Variants in H2AZ2 observed in about 807,000 individuals in gnomAD.
The protein encoded by H2AZ2 is histone H2A.V.
A neutral mutation model predicts 15.5 loss-of-function variants in H2AZ2; 5 were observed. The ratio of observed to expected loss-of-function variants is 0.32; its 90% CI spans 0.17 to 0.68. The LOEUF is 0.68. H2AZ2 is among the 30% of genes least tolerant of loss of function. The pLI is 0.72. For synonymous variants in H2AZ2, 44 were observed against 57.4 expected (o/e 0.77, Z 1.05); for missense variants, 42 against 162.5 (o/e 0.26, Z 4.03).
intron 2 of H2AZ2, among the ~76,000 whole-genome samples, chr7:44,841,532 CAG>C (rs1176637547): frequency 6.6e-6 from 1 of 152,078 alleles, no homozygotes; most frequent in Non-Finnish European, 1.5e-5. Context: ...TTTATTGAGA[CAG>C]AGTCTCACTC....
intron 3 of H2AZ2, among the ~76,000 whole-genome samples, chr7:44,839,988 C>T (rs1490507647): frequency 6.7e-6 from 1 of 148,588 alleles, no homozygotes; most frequent in Non-Finnish European, 1.5e-5. Flanking sequence ...GGATACAGAG[C>T]AAGACCCTGT....
At chr7:44,827,112 G>A (rs556258520), downstream of H2AZ2, 1 of 152,110 alleles carries the variant, frequency 6.6e-6, no homozygotes, top group Non-Finnish European at 1.5e-5. Flanking sequence ...AAAAAAGTGT[G>A]GGAATCACCT....
exon 5 of H2AZ2, chr7:44,826,956 T>C (rs1366924870): frequency 2.0e-5 from 3 of 152,376 alleles, no homozygotes; most frequent in East Asian, 3.9e-4. Context: ...TAGTATGCTA[T>C]TCTTTGATTT....
intron 2 of H2AZ2, among the ~76,000 whole-genome samples, chr7:44,842,744 C>T (rs919928358): frequency 2.6e-5 from 4 of 152,170 alleles, no homozygotes; most frequent in Non-Finnish European, 4.4e-5. Flanking sequence ...TTCCCATCCC[C>T]CTTCTTTCGG....
At chr7:44,831,459 A>G (rs555730289), downstream of H2AZ2, among the ~76,000 whole-genome samples, 1 of 152,274 alleles carries the variant, frequency 6.6e-6, no homozygotes, top group East Asian at 1.9e-4. Context: ...GCAATTATCT[A>G]TAAAACTGTA....
rs1225956505 is a variant in H2AZ2, at chr7:44,837,668, T to C, written c.196-2010A>G. On this transcript the variant is annotated intron_variant, in intron 3 of 4. Coordinates refer to ENST00000308153, the MANE Select transcript of H2AZ2 (RefSeq NM_012412.5). ...ATCACATCTGGTCAATTTTTTGTAT[T>C]TTTTTGTAGAGACAGGGTTTTGCCA... is the stretch of plus-strand genomic sequence containing the variant. Among the ~76,000 whole-genome samples the C allele has an allele frequency of 5.3e-5, 8 of 151,902 alleles. No individual in the cohort carries two copies. In the East Asian group the frequency reaches 1.6e-3, roughly 30 times the overall value.
At chr7:44,839,682 A>G in intron 3 of H2AZ2, among the ~76,000 whole-genome samples, 1 of 150,094 alleles carries the variant, frequency 6.7e-6, no homozygotes, top group East Asian at 1.9e-4. Context: ...CCTCTGTCTC[A>G]AAAAAAAATA....
In H2AZ2 at chr7:44,833,628, G is replaced by A. The variant is rs76330858; in HGVS notation, c.*873C>T. ...GGTCTCCCGAAGTGTTGGGATTACAGGCGTAAACCACAATGCCAGGCCAAA... is the reference window on the plus strand; with the variant it reads ...GGTCTCCCGAAGTGTTGGGATTACAAGCGTAAACCACAATGCCAGGCCAAA... On this transcript the variant is annotated 3_prime_UTR_variant, in exon 5 of 5. Coordinates refer to ENST00000308153, the MANE Select transcript of H2AZ2 (RefSeq NM_012412.5). The A allele has an allele frequency of 2.1e-6, 2 of 933,660 alleles. No homozygotes were observed. Among genetic ancestry groups the A allele is most frequent in the Non-Finnish European group, 2.6e-6 (2 of 782,764 alleles). 57.8% of individuals were successfully genotyped at this position (933,660 alleles called of 1,614,324 possible).
At chr7:44,836,009 G>A (rs907207932) in intron 3 of H2AZ2, among the ~76,000 whole-genome samples, 1 of 149,684 alleles carries the variant, frequency 6.7e-6, no homozygotes, top group African/African-American at 2.5e-5. Context: ...GCCTAGGCTG[G>A]AGTGCAGTGG....
intron 1 of H2AZ2, among the ~76,000 whole-genome samples, chr7:44,846,382 C>A (rs1222544491): frequency 2.0e-5 from 3 of 152,180 alleles, no homozygotes; most frequent in Admixed American, 2.0e-4. Context: ...CTTTGTCAGG[C>A]CGAGGGGGGC....
At chr7:44,839,634 A>G (rs1793223501) in intron 3 of H2AZ2, among the ~76,000 whole-genome samples, 1 of 151,408 alleles carries the variant, frequency 6.6e-6, no homozygotes, top group African/African-American at 2.4e-5. Flanking sequence ...GTGAGCCGAG[A>G]CTGCACCACT....
chr7:44,830,261 A>G (rs1445960990), downstream of H2AZ2: 2 of 1,196,168 alleles, frequency 1.7e-6, no homozygotes, highest in African/African-American at 1.5e-5. Flanking sequence ...AAATACAAGT[A>G]AAATGTTAAC....
chr7:44,829,982 A>C, downstream of H2AZ2: 2 of 598,122 alleles, frequency 3.3e-6, no homozygotes, highest in Middle Eastern at 2.7e-4. Context: ...AAGCAGATCA[A>C]GAATCTTGCT....
rs1039020670 is a variant in H2AZ2, at chr7:44,835,483, A to C, written c.325+46T>G. ...ATATCATTGATCTGAACGATATATT[A>C]GTCAGAAAGACCAATAAGAATCAAG... On this transcript the variant is annotated intron_variant, in intron 4 of 4. Coordinates refer to ENST00000308153, the MANE Select transcript of H2AZ2 (RefSeq NM_012412.5). 3 of 1,535,540 alleles carry C rather than the reference A, an allele frequency of 2.0e-6. No homozygotes were observed. In the African/African-American group the frequency reaches 4.1e-5, roughly 21 times the overall value.
chr7:44,830,822 A>G (rs181027216), downstream of H2AZ2, among the ~76,000 whole-genome samples: 22 of 152,182 alleles, frequency 1.4e-4, no homozygotes, highest in East Asian at 2.7e-3. Context: ...ACATGGTGAA[A>G]CCCCATCTCT....
At chr7:44,848,098 C>G, upstream of H2AZ2, 1 of 491,656 alleles carries the variant, frequency 2.0e-6, no homozygotes, top group East Asian at 4.2e-5. Context: ...GCCCGCCTCG[C>G]GCTGCTGTGG....
chr7:44,833,661 A>G lies in H2AZ2; in HGVS notation c.*840T>C. The G allele has an allele frequency of 1.0e-6, 1 of 985,178 alleles. No individual in the cohort carries two copies. The highest frequency in any genetic ancestry group is 1.2e-6 in the Non-Finnish European group (1 of 829,672). The allele number at this position is 985,178 out of a possible 1,614,324, so 61.0% of individuals were successfully genotyped here. On this transcript the variant is annotated 3_prime_UTR_variant, in exon 5 of 5. Coordinates refer to ENST00000308153, the MANE Select transcript of H2AZ2 (RefSeq NM_012412.5). ...CCACAATGCCAGGCCAAAAATTGGG[A>G]TTTTAAACCAAAAGGAGAAACCTTT...
At chr7:44,839,669 G>A (rs1293319599) in intron 3 of H2AZ2, among the ~76,000 whole-genome samples, 5 of 150,132 alleles carry the variant, frequency 3.3e-5, no homozygotes, top group Admixed American at 6.7e-5. Flanking sequence ...GTGACAGAGC[G>A]AGCCTCTGTC....
chr7:44,838,205 C>T (rs578014447), intron 3 of H2AZ2, among the ~76,000 whole-genome samples: 31 of 151,770 alleles, frequency 2.0e-4, no homozygotes, highest in Non-Finnish European at 4.6e-4. Context: ...GATCTCTTGA[C>T]CTCGTGATCT....
Sources: gnomAD v4.1 joint callset for allele counts (sites outside exome capture counted in the v4.1 genomes callset) on GRCh38, gnomAD v4.1.1 for gene constraint, MANE v1.5 for transcripts, NCBI Gene and HGNC (gene_info 2026-07-23, HGNC 2026-07-21) for gene names.